ROBO2: variants seen among roughly 807,000 people sequenced by gnomAD.
ROBO2 encodes the protein roundabout guidance receptor 2.
In ROBO2, 53 loss-of-function variants were observed where a neutral mutation model predicts 160.8. The ratio of observed to expected loss-of-function variants is 0.33; its 90% confidence interval spans 0.26 to 0.41. The LOEUF (loss-of-function observed/expected upper bound fraction) is 0.41. Among genes scored for constraint, ROBO2 ranks in the 10% least tolerant of loss-of-function variants. ROBO2 has a pLI of 1.00. For synonymous variants in ROBO2, 664 were observed against 611.7 expected (o/e 1.09, Z -1.26); for missense variants, 1,577 against 1,722.4 (o/e 0.92, Z 1.49).
chr3:77,402,353 C>A (rs751415366), intron 2 of ROBO2, among the ~76,000 whole-genome samples: 5 of 151,874 alleles, frequency 3.3e-5, no homozygotes, highest in Non-Finnish European at 5.9e-5. Flanking sequence ...TTGATGGGTG[C>A]AACAAACCAC....
intron 2 of ROBO2, among the ~76,000 whole-genome samples, chr3:76,130,452 A>G (rs2071182996): frequency 6.6e-6 from 1 of 152,154 alleles, no homozygotes; most frequent in Non-Finnish European, 1.5e-5. Flanking sequence ...GAAAGAAGTT[A>G]TACAGTCCCT....
At chr3:77,579,107 A>T (rs2093845085) in intron 15 of ROBO2, among the ~76,000 whole-genome samples, 1 of 152,080 alleles carries the variant, frequency 6.6e-6, no homozygotes, top group African/African-American at 2.4e-5. Flanking sequence ...GTTTTCCTAC[A>T]TATGTGTCTA....
chr3:76,021,108 T>G (rs1007917452), intron 2 of ROBO2, among the ~76,000 whole-genome samples: 1 of 151,756 alleles, frequency 6.6e-6, no homozygotes, highest in African/African-American at 2.4e-5. Context: ...CAGCTTATTA[T>G]CACTGCAAAT....
At chr3:76,194,348 GTGTAAATATATATATATA>G (rs1178967375) in intron 2 of ROBO2, among the ~76,000 whole-genome samples, 2 of 45,710 alleles carry the variant, frequency 4.4e-5, no homozygotes, top group African/African-American at 1.3e-4. Context: ...TATGTATGGT[GTGTAAATATATATATATA>G]TATATATATA....
intron 2 of ROBO2, among the ~76,000 whole-genome samples, chr3:77,288,387 G>T (rs2153382318): frequency 6.6e-6 from 1 of 152,298 alleles, no homozygotes; most frequent in South Asian, 2.1e-4. Context: ...ACAAGTTTTT[G>T]GATAGAAAAG....
chr3:77,270,836 G>C (rs1395048081), intron 2 of ROBO2, among the ~76,000 whole-genome samples: 2 of 151,938 alleles, frequency 1.3e-5, no homozygotes, highest in African/African-American at 4.8e-5. Context: ...CCAGCTACTC[G>C]GGAGGCTGAG....
intron 2 of ROBO2, among the ~76,000 whole-genome samples, chr3:76,603,567 A>T (rs1161422642): frequency 1.3e-5 from 2 of 151,692 alleles, no homozygotes; most frequent in Non-Finnish European, 2.9e-5. Context: ...AGTTTTTTTT[A>T]AAAGATGGCT....
intron 2 of ROBO2, among the ~76,000 whole-genome samples, chr3:77,034,689 C>G (rs2063524694): frequency 6.6e-6 from 1 of 151,904 alleles, no homozygotes; most frequent in South Asian, 2.1e-4. Context: ...CTATAGGACC[C>G]ATGGGTATCA....
intron 16 of ROBO2, among the ~76,000 whole-genome samples, chr3:77,587,194 C>T (rs1213307488): frequency 6.6e-6 from 1 of 152,022 alleles, no homozygotes; most frequent in Non-Finnish European, 1.5e-5. Context: ...TTAACATCCT[C>T]CAACAGATCC....
chr3:76,802,678 A>G (rs371209616), intron 2 of ROBO2, among the ~76,000 whole-genome samples: 302 of 151,650 alleles, frequency 2.0e-3, no homozygotes, highest in African/African-American at 7.1e-3. Flanking sequence ...CAGTGAGCCA[A>G]GATGGCGTCA....
chr3:76,050,259 C>T (rs1009932826), intron 2 of ROBO2, among the ~76,000 whole-genome samples: 1 of 152,112 alleles, frequency 6.6e-6, no homozygotes, highest in African/African-American at 2.4e-5. Flanking sequence ...CCATCTTTCT[C>T]CCGTGCTGGA....
chr3:76,507,896 G>A (rs2080875451), intron 2 of ROBO2, among the ~76,000 whole-genome samples: 1 of 152,110 alleles, frequency 6.6e-6, no homozygotes, highest in Non-Finnish European at 1.5e-5. Context: ...TCAAAGTCAT[G>A]AGGACATATG....
At chr3:76,543,961 T>A (rs537983669) in intron 2 of ROBO2, among the ~76,000 whole-genome samples, 1 of 152,200 alleles carries the variant, frequency 6.6e-6, no homozygotes, top group Admixed American at 6.5e-5. Context: ...TAATCCTTGG[T>A]GAAAAATCTG....
intron 6 of ROBO2, among the ~76,000 whole-genome samples, chr3:77,529,543 A>G (rs1420419542): frequency 6.6e-6 from 1 of 151,860 alleles, no homozygotes; most frequent in Non-Finnish European, 1.5e-5. Flanking sequence ...GTTATAGAAT[A>G]GTATGTTAAT....
intron 1 of ROBO2, among the ~76,000 whole-genome samples, chr3:75,911,124 A>C (rs951990361): frequency 1.3e-5 from 2 of 152,174 alleles, no homozygotes; most frequent in African/African-American, 4.8e-5. Context: ...GAATTTCAAA[A>C]TTTGCAACCA....
chr3:77,120,474 A>G (rs985021442), intron 2 of ROBO2, among the ~76,000 whole-genome samples: 4 of 152,238 alleles, frequency 2.6e-5, no homozygotes, highest in Non-Finnish European at 5.9e-5. Context: ...ATATTAAGTT[A>G]ATAGTTGTAA....
At chr3:76,242,267 A>G (rs1705335679) in intron 2 of ROBO2, among the ~76,000 whole-genome samples, 1 of 152,126 alleles carries the variant, frequency 6.6e-6, no homozygotes, top group Admixed American at 6.6e-5. Context: ...TAAAAACACA[A>G]CTGCCCCCTT....
intron 4 of ROBO2, among the ~76,000 whole-genome samples, chr3:77,481,558 A>T (rs1033066114): frequency 6.6e-6 from 1 of 152,190 alleles, no homozygotes; most frequent in Non-Finnish European, 1.5e-5. Context: ...GGTAGCTATT[A>T]TGTGCAAGAT....
rs548440289 is a variant in ROBO2 at position 76,003,937 on chromosome 3, A to G, written c.109+66335A>G. Among the ~76,000 whole-genome samples the G allele has an allele frequency of 2.5e-4, 38 of 152,356 alleles. No homozygotes were observed. The South Asian group carries it at 2.7e-3, about 11-fold the overall frequency. ...ATAATAAAATTACAGAAGACAGAGT[A>G]CTGGTGAGGATATGTAGAAACTTCA... On this transcript the variant is annotated intron_variant, in intron 2 of 26. Transcript: ENST00000487694.
Sources: gnomAD v4.1 joint callset for allele counts (sites outside exome capture counted in the v4.1 genomes callset) on GRCh38, gnomAD v4.1.1 for gene constraint, MANE v1.5 for transcripts, NCBI Gene and HGNC (gene_info 2026-07-23, HGNC 2026-07-21) for gene names.